Variants in C10orf90 observed in about 807,000 individuals in gnomAD.
C10orf90 encodes the protein (E2-independent) E3 ubiquitin-conjugating enzyme FATS.
C10orf90 carries 56 observed loss-of-function variants against 62.5 expected under a neutral mutation model. The observed-to-expected ratio is 0.90, with a 90% CI of 0.72 to 1.12. The LOEUF is 1.12. Ranked by LOEUF, C10orf90 falls within the 50% of genes most tolerant of loss-of-function variation. The pLI, the probability that C10orf90 is intolerant of heterozygous loss-of-function variation, is 0.00. For synonymous variants in C10orf90, 386 were observed against 340.4 expected, an observed-to-expected ratio of 1.13 and a Z score of -1.47; for missense variants, 970 against 880.4, an observed-to-expected ratio of 1.10 and a Z score of -1.29.
At position 126,456,465 on chromosome 10, in the gene C10orf90, C is replaced by T. The variant is rs903391990; in HGVS notation, c.2188+2575G>A. Reference sequence around the variant, plus strand: ...AACATTCTGAACTGAGCCTGGTTACCTTTTATTACATACAATTTTAAGACT... The same window carrying T: ...AACATTCTGAACTGAGCCTGGTTACTTTTTATTACATACAATTTTAAGACT... On this transcript the variant is annotated intron_variant, in intron 7 of 9. Coordinates refer to ENST00000488181, the MANE Select transcript of C10orf90 (RefSeq NM_001350921.2). The surrounding 1 kb of genome is among the most constrained non-coding windows in gnomAD (Gnocchi z 4.9). Among the ~76,000 whole-genome samples, 1 of 152,238 alleles carries T rather than the reference C, an allele frequency of 6.6e-6. No individual in the cohort carries two copies.
At chr10:126,626,151 G>A (rs1032609590) in intron 2 of C10orf90, among the ~76,000 whole-genome samples, 3 of 145,282 alleles carry the variant, frequency 2.1e-5, no homozygotes, top group African/African-American at 7.7e-5. Flanking sequence ...AAAAAAAAGT[G>A]AGAAGGCTCC....
intron 2 of C10orf90, among the ~76,000 whole-genome samples, chr10:126,560,273 T>C (rs960009611): frequency 6.6e-5 from 10 of 152,200 alleles, no homozygotes; most frequent in Non-Finnish European, 1.3e-4. Context: ...CGAGTCTTCA[T>C]TTTTAATTTC....
chr10:126,573,229 T>C (rs975100766), intron 2 of C10orf90, among the ~76,000 whole-genome samples: 2 of 152,146 alleles, frequency 1.3e-5, no homozygotes, highest in Non-Finnish European at 2.9e-5. Flanking sequence ...GACTGGAGGC[T>C]GCATGCACCT....
intron 7 of C10orf90, among the ~76,000 whole-genome samples, chr10:126,438,508 A>C (rs1318517834): frequency 6.6e-6 from 1 of 152,164 alleles, no homozygotes; most frequent in Non-Finnish European, 1.5e-5. Flanking sequence ...ACATACACTG[A>C]GCATTACACA....
At chr10:126,508,037 GAA>G (rs57510499) in intron 3 of C10orf90, among the ~76,000 whole-genome samples, 1 of 133,704 alleles carries the variant, frequency 7.5e-6, no homozygotes. Context: ...GCTCTTTGAA[GAA>G]AAAAAAAAAA....
rs866395446 is a variant in C10orf90, at chr10:126,549,960, T to C, written c.314-36021A>G. ...CTATACAATTCTGTAAAGCTTTCTT[T>C]TTTTTTTTTTTTTTTGAGACAGTCT... On this transcript the variant is annotated intron_variant, in intron 2 of 9. Transcript: ENST00000488181. Among the ~76,000 whole-genome samples, 1,062 of 146,886 alleles carry C rather than the reference T, an allele frequency of 7.2e-3. 13 individuals carry two copies. Among genetic ancestry groups the C allele is most frequent in the African/African-American group, 0.026 (1,030 of 39,836 alleles).
chr10:126,642,342 C>A (rs1376133285), intron 2 of C10orf90, among the ~76,000 whole-genome samples: 12 of 152,070 alleles, frequency 7.9e-5, no homozygotes, highest in Admixed American at 4.6e-4. Context: ...ACCATCCTGG[C>A]TAACATGGTG....
At chr10:126,596,508 C>T (rs1445739086) in intron 2 of C10orf90, among the ~76,000 whole-genome samples, 1 of 152,120 alleles carries the variant, frequency 6.6e-6, no homozygotes, top group East Asian at 1.9e-4. Context: ...TACATCCTGA[C>T]AAATCTATTG....
Position 126,532,842 on chromosome 10 carries a change from C to CAAAAAAAAAAAAAAAA in C10orf90, c.314-18904_314-18903insTTTTTTTTTTTTTTTT, listed in dbSNP as rs1269013268. ...TGGGCAACAGAGCGAGACTACGTCT[C>CAAAAAAAAAAAAAAAA]AAAAAAAAAAAAAAATAGTGAGCAC... On this transcript the variant is annotated intron_variant, in intron 2 of 9. Transcript: ENST00000488181. Among the ~76,000 whole-genome samples, 28 of 12,078 alleles carry CAAAAAAAAAAAAAAAA rather than the reference C, an allele frequency of 2.3e-3. 6 individuals are homozygous for CAAAAAAAAAAAAAAAA. Among genetic ancestry groups the CAAAAAAAAAAAAAAAA allele is most frequent in the Non-Finnish European group, 3.1e-3 (22 of 7,204 alleles). 7.9% of individuals were successfully genotyped at this position (12,078 alleles called of 152,430 possible).
intron 4 of C10orf90, among the ~76,000 whole-genome samples, chr10:126,498,173 G>A (rs951130747): frequency 5.9e-5 from 9 of 152,162 alleles, no homozygotes; most frequent in African/African-American, 1.2e-4. Flanking sequence ...AGCTCTGCAG[G>A]GTAGAGGCGG....
intron 2 of C10orf90, among the ~76,000 whole-genome samples, chr10:126,553,584 T>G (rs140171740): frequency 3.3e-5 from 5 of 152,324 alleles, no homozygotes; most frequent in African/African-American, 1.2e-4. Flanking sequence ...CGTATAGATA[T>G]GTTTAGATAC....
chr10:126,465,082 T>TG (rs369535667), intron 4 of C10orf90, 96 bp from the exon 5 acceptor site: 55 of 1,314,474 alleles, frequency 4.2e-5, no homozygotes, highest in Admixed American at 3.0e-4. Context: ...GGGACAGACT[T>TG]GGGGGGGAGT....
intron 1 of C10orf90, among the ~76,000 whole-genome samples, chr10:126,661,120 TATC>T (rs1273728594): frequency 6.6e-6 from 1 of 152,212 alleles, no homozygotes; most frequent in Non-Finnish European, 1.5e-5. Flanking sequence ...GGCTTCTTGA[TATC>T]ATCCTCCAGG....
At chr10:126,664,836 C>T (rs1846593659) in intron 1 of C10orf90, among the ~76,000 whole-genome samples, 2 of 152,232 alleles carry the variant, frequency 1.3e-5, no homozygotes, top group Admixed American at 1.3e-4. Context: ...AGACCTCTAA[C>T]TCCTCACACC....
rs146338129 is a variant in C10orf90 at position 126,566,427 on chromosome 10, C to T, written c.314-52488G>A. On this transcript the variant is annotated intron_variant, in intron 2 of 9. Transcript: ENST00000488181. ...GCCTTCAGGGAACAAGAAAGAAAAA[C>T]ATCAAGAATTACCGCCAGTTTCAGT... 7.6e-3 allele frequency among the ~76,000 whole-genome samples: 1,164 copies of T among 152,258 alleles called. 21 individuals are homozygous for T. The highest frequency in any genetic ancestry group is 0.027 in the African/African-American group (1,107 of 41,538).
chr10:126,547,652 A>G (rs192042115), intron 2 of C10orf90, among the ~76,000 whole-genome samples: 2 of 152,212 alleles, frequency 1.3e-5, no homozygotes, highest in East Asian at 3.9e-4. Context: ...CTCAGCAAAT[A>G]AAATAGAAAA....
At chr10:126,521,414 AGTTTACCTCT>A (rs747379565) in intron 2 of C10orf90, 21 of 1,594,682 alleles carry the variant, frequency 1.3e-5, no homozygotes, top group Non-Finnish European at 1.8e-5. Context: ...AAATGTCCGG[AGTTTACCTCT>A]GTGGCTAGGC....
At chr10:126,432,041 C>T (rs1242910211) in intron 7 of C10orf90, among the ~76,000 whole-genome samples, 5 of 152,168 alleles carry the variant, frequency 3.3e-5, no homozygotes, top group South Asian at 2.1e-4. Flanking sequence ...CCCATACCCC[C>T]GGGGAAGTAT....
intron 2 of C10orf90, among the ~76,000 whole-genome samples, chr10:126,626,128 C>CA (rs35587001): frequency 0.027 from 2,938 of 109,754 alleles, 99 homozygotes; most frequent in African/African-American, 0.085. Context: ...GATTCCATCT[C>CA]AAAAAAAAAA....
Sources: gnomAD v4.1 joint callset for allele counts (sites outside exome capture counted in the v4.1 genomes callset) on GRCh38, gnomAD v4.1.1 for gene constraint, Gnocchi (gnomAD v3.1) non-coding constraint, MANE v1.5 for transcripts, NCBI Gene and HGNC (gene_info 2026-07-23, HGNC 2026-07-21) for gene names.